The following PTPRK variants were observed in gnomAD, a reference collection of about 807,000 sequenced individuals.
PTPRK encodes the protein protein tyrosine phosphatase receptor type K.
In PTPRK, 75 loss-of-function variants were observed where a neutral mutation model predicts 178.0. The observed-to-expected ratio is 0.42, with a 90% CI of 0.35 to 0.51. The LOEUF is 0.51. Among genes scored for constraint, PTPRK ranks in the 20% least tolerant of loss-of-function variants. The pLI, the probability that PTPRK is intolerant of heterozygous loss-of-function variation, is 0.02. For synonymous variants in PTPRK, 637 were observed against 620.6 expected (o/e 1.03, Z -0.39); for missense variants, 1,441 against 1,797.8 (o/e 0.80, Z 3.59).
At chr6:128,500,521 A>G (rs1242728928) in intron 1 of PTPRK, 1 of 152,208 alleles carries the variant, frequency 6.6e-6, no homozygotes, top group East Asian at 1.9e-4. Flanking sequence ...TTATAGGCAT[A>G]AAGGTAAGAG....
At chr6:128,264,301 A>G (rs1818624537) in intron 3 of PTPRK, among the ~76,000 whole-genome samples, 1 of 152,164 alleles carries the variant, frequency 6.6e-6, no homozygotes, top group South Asian at 2.1e-4. Context: ...ACAGCCCACT[A>G]TTTTAAATAT....
At position 127,981,275 on chromosome 6, in the gene PTPRK, G is replaced by C. The variant is rs1015769016; in HGVS notation, c.3552C>G (p.Val1184=). Residue 1184 remains valine, a synonymous_variant, in exon 25 of 30, where the codon GTC becomes GTG. Transcript: ENST00000368226. ...AGTCTTCAGCTTGTAGTCGAGGGGT[G>C]ACTGAATTCAGAGTCTAAAAAGAAA... ...LKDEFQTLNS[V]TPRLQAEDCS... is the part of the protein sequence containing the mutation. 15 of 1,613,308 alleles carry C rather than the reference G, an allele frequency of 9.3e-6. No individual in the cohort carries two copies. The highest frequency in any genetic ancestry group is 1.2e-5 in the Non-Finnish European group (14 of 1,179,672).
At chr6:128,161,525 C>T (rs1390416647) in intron 7 of PTPRK, among the ~76,000 whole-genome samples, 1 of 151,658 alleles carries the variant, frequency 6.6e-6, no homozygotes, top group African/African-American at 2.4e-5. Flanking sequence ...AAGTCATTCA[C>T]ATTAACAACC....
At chr6:128,084,537 G>C (rs1309934823) in intron 8 of PTPRK, among the ~76,000 whole-genome samples, 1 of 152,112 alleles carries the variant, frequency 6.6e-6, no homozygotes, top group Non-Finnish European at 1.5e-5. Flanking sequence ...TCAACGATCT[G>C]CACAACTACT....
At position 128,466,705 on chromosome 6, in the gene PTPRK, A is replaced by T. The variant is rs115761030; in HGVS notation, c.100+53554T>A. On this transcript the variant is annotated intron_variant, in intron 1 of 29. Coordinates refer to ENST00000368226, the MANE Select transcript of PTPRK (RefSeq NM_002844.4). ...TATACAATGTTGCACACAATATACAATATGGCTCATTTTAATTGAATATAC... is the reference window on the plus strand; with the variant it reads ...TATACAATGTTGCACACAATATACATTATGGCTCATTTTAATTGAATATAC... Among the ~76,000 whole-genome samples the T allele has an allele frequency of 2.2e-4, 33 of 152,322 alleles. 1 individual carries two copies. The highest frequency in any genetic ancestry group is 7.9e-4 in the African/African-American group (33 of 41,580).
chr6:128,431,956 T>C (rs1252994323), intron 1 of PTPRK, among the ~76,000 whole-genome samples: 3 of 151,822 alleles, frequency 2.0e-5, no homozygotes, highest in Non-Finnish European at 2.9e-5. Flanking sequence ...TTTATGTTCT[T>C]ACCCCAATGC....
intron 1 of PTPRK, among the ~76,000 whole-genome samples, chr6:128,460,297 A>G (rs1848890247): frequency 6.6e-6 from 1 of 152,062 alleles, no homozygotes; most frequent in African/African-American, 2.4e-5. Context: ...TAATCCCAGC[A>G]CTTTGGAAGG....
At chr6:128,063,402 A>G (rs1781204545) in intron 13 of PTPRK, 1 of 152,184 alleles carries the variant, frequency 6.6e-6, no homozygotes, top group Non-Finnish European at 1.5e-5. Flanking sequence ...ATAACTGAAT[A>G]AAAAAGTTAT....
intron 12 of PTPRK, among the ~76,000 whole-genome samples, chr6:128,065,576 CA>C (rs1781605265): frequency 6.6e-6 from 1 of 152,130 alleles, no homozygotes; most frequent in African/African-American, 2.4e-5. Context: ...GTGAACAAAC[CA>C]GAGGCGATCT....
intron 3 of PTPRK, among the ~76,000 whole-genome samples, chr6:128,258,218 A>T (rs1817636960): frequency 6.6e-6 from 1 of 152,174 alleles, no homozygotes. Flanking sequence ...TTCTTCTATA[A>T]GAAAATAGTG....
At chr6:128,325,190 G>A (rs1373005635) in intron 2 of PTPRK, among the ~76,000 whole-genome samples, 1 of 152,096 alleles carries the variant, frequency 6.6e-6, no homozygotes, top group Non-Finnish European at 1.5e-5. Context: ...ATTCAACACA[G>A]AGAAAACTAT....
intron 2 of PTPRK, among the ~76,000 whole-genome samples, chr6:128,371,328 T>C (rs1217145498): frequency 6.6e-6 from 1 of 152,234 alleles, no homozygotes; most frequent in African/African-American, 2.4e-5. Context: ...AACACTTTTA[T>C]TGCCAAGCAT....
chr6:127,969,720 A>T lies in PTPRK; in HGVS notation c.*507T>A, dbSNP rs991703427. On this transcript the variant is annotated 3_prime_UTR_variant, in exon 30 of 30. Transcript: ENST00000368226. ...AGCCATCATTGCACATTAAAAGAAA[A>T]TAAGCCAGTTATATATATTTATATA... is the stretch of plus-strand genomic sequence containing the variant. The T allele has an allele frequency of 1.3e-5, 2 of 152,106 alleles. No homozygotes were observed. The highest frequency in any genetic ancestry group is 4.8e-5 in the African/African-American group (2 of 41,456). 9.4% of individuals were successfully genotyped at this position (152,106 alleles called of 1,614,324 possible).
intron 10 of PTPRK, among the ~76,000 whole-genome samples, chr6:128,081,368 G>A (rs1184253292): frequency 3.3e-5 from 5 of 151,810 alleles, no homozygotes; most frequent in African/African-American, 7.3e-5. Context: ...AGGAATTATA[G>A]CTCATAATGG....
chr6:128,209,956 G>A (rs1327263632), intron 6 of PTPRK, among the ~76,000 whole-genome samples: 5 of 152,098 alleles, frequency 3.3e-5, no homozygotes, highest in African/African-American at 9.7e-5. Flanking sequence ...AATTTATACC[G>A]CAAGAACAGG....
At chr6:128,436,860 C>G (rs1314126568) in intron 1 of PTPRK, among the ~76,000 whole-genome samples, 2 of 152,150 alleles carry the variant, frequency 1.3e-5, no homozygotes, top group Admixed American at 6.6e-5. Flanking sequence ...ACAAGAATTG[C>G]TGTTCAATGG....
Position 128,107,137 on chromosome 6 carries a change from A to G in PTPRK, c.1163-17145T>C, listed in dbSNP as rs553869867. On this transcript the variant is annotated intron_variant, in intron 7 of 29. Transcript: ENST00000368226. ...AAAATTAAGCAATCCATGTAATTATACTTCAACAACTGATGCTACTCATAA... is the reference window on the plus strand; with the variant it reads ...AAAATTAAGCAATCCATGTAATTATGCTTCAACAACTGATGCTACTCATAA... Among the ~76,000 whole-genome samples the G allele has an allele frequency of 3.3e-5, 5 of 152,206 alleles. No homozygotes were observed. The East Asian group carries it at 9.6e-4, about 29-fold the overall frequency.
chr6:128,010,492 C>T (rs1778933452), intron 13 of PTPRK, among the ~76,000 whole-genome samples: 1 of 151,146 alleles, frequency 6.6e-6, no homozygotes, highest in Non-Finnish European at 1.5e-5. Context: ...CTTCTCTATC[C>T]CCCTCCCCGC....
intron 1 of PTPRK, among the ~76,000 whole-genome samples, chr6:128,433,446 T>C (rs1845100972): frequency 6.6e-6 from 1 of 152,184 alleles, no homozygotes; most frequent in African/African-American, 2.4e-5. Flanking sequence ...CTGTTGCAAA[T>C]GACCGGATTT....
Sources: allele counts gnomAD v4.1 joint callset (sites outside exome capture counted in the v4.1 genomes callset), GRCh38; gene constraint gnomAD v4.1.1; transcripts MANE v1.5; gene names NCBI Gene and HGNC (gene_info 2026-07-23, HGNC 2026-07-21).